Variants in HOPX observed in about 807,000 individuals in gnomAD.
HOPX encodes the protein HOP homeobox, also known as homeodomain-only protein.
Under a neutral mutation model 11.8 loss-of-function variants are expected in HOPX, and 5 were observed. That is an observed-to-expected ratio of 0.43 (90% confidence interval 0.22 to 0.89). The LOEUF is 0.89. Among genes scored for constraint, HOPX ranks in the 40% least tolerant of loss-of-function variants. The pLI is 0.28. For missense variants in HOPX, 119 were observed against 120.0 expected (o/e 0.99, Z 0.04); for synonymous variants, 49 against 49.7 (o/e 0.99, Z 0.06).
At chr4:56,681,453 C>A (rs1719320964), upstream of HOPX, 1 of 990,242 alleles carries the variant, frequency 1.0e-6, no homozygotes, top group Non-Finnish European at 1.2e-6. Context: ...GCCGAGGTTA[C>A]GTCTCTCCTG....
upstream of HOPX, chr4:56,681,698 A>C: frequency 1.0e-6 from 1 of 998,120 alleles, no homozygotes; most frequent in Non-Finnish European, 1.2e-6. Context: ...CAAAGCGTAG[A>C]TCTGGTGCGG....
chr4:56,666,166 G>C (rs1718429633), intron 1 of HOPX, among the ~76,000 whole-genome samples: 1 of 152,110 alleles, frequency 6.6e-6, no homozygotes, highest in Non-Finnish European at 1.5e-5. Flanking sequence ...TACCAGCCAG[G>C]CTGGCTTTCC....
chr4:56,680,710 AT>A (rs142011706), intron 1 of HOPX: 47,290 of 150,878 alleles, frequency 0.31, 7,541 homozygotes, highest in Non-Finnish European at 0.35. Context: ...AAAAAAAAAA[AT>A]CACTGTTTTT....
In HOPX at chr4:56,657,782, A is replaced by G; in HGVS notation, c.35T>C (p.Leu12Pro). 3.2e-6 allele frequency: 4 copies of G among 1,248,916 alleles called. No individual in the cohort carries two copies. The highest frequency in any genetic ancestry group is 1.3e-5 in the South Asian group (1 of 78,008). 77.4% of individuals were successfully genotyped at this position (1,248,916 alleles called of 1,614,324 possible). A position where few individuals can be genotyped will look rare whatever the true frequency, so the allele number is the denominator to read the frequency against. Residue 12 changes from leucine to proline, a missense_variant, in exon 2 of 4, where the codon CTG becomes CCG. Coordinates refer to ENST00000420433, the MANE Select transcript of HOPX (RefSeq NM_032495.6). ...AAGAACCTTGGAAATTACCTCTTCC[A>G]GTCTTCTTCTGTAACAGCCCAGGAA... ...LIFLGCYRRRLEERAGTMSAE... is the reference protein window; with the variant it reads ...LIFLGCYRRRPEERAGTMSAE...
intron 2 of HOPX, 46 bp downstream of exon 2, chr4:56,657,729 A>T: frequency 1.2e-6 from 1 of 814,578 alleles, no homozygotes; most frequent in African/African-American, 1.7e-5. Context: ...CATTGCCCGT[A>T]CCTTTGACAC....
chr4:56,655,757 G>C lies in HOPX; in HGVS notation c.198+100C>G. 3 of 1,350,826 alleles carry C rather than the reference G, an allele frequency of 2.2e-6. No individual in the cohort carries two copies. In the South Asian group the frequency reaches 3.9e-5, roughly 17 times the overall value. 83.7% of individuals were successfully genotyped at this position (1,350,826 alleles called of 1,614,324 possible). ...AGAAGCGATGGGAGATCATGGGGAG[G>C]GCAGCCCGGCGGGAGGCGCGGACGA... On this transcript the variant is annotated intron_variant, in intron 3 of 3. Transcript: ENST00000420433.
Position 56,655,901 on chromosome 4 carries a change from A to T in HOPX, c.154T>A (p.Cys52Ser), listed in dbSNP as rs747420323. The change falls in exon 3 of 4, where the codon TGC becomes AGC. Residue 52 changes from cysteine (C) to serine (S), a missense_variant. By Grantham distance (112) the Cys-to-Ser change is moderately radical. Coordinates refer to ENST00000420433, the MANE Select transcript of HOPX (RefSeq NM_032495.6). ...VDKHPDSTTLCLIAAEAGLSE... is the reference protein window; with the variant it reads ...VDKHPDSTTLSLIAAEAGLSE... ...AGGCCTGCCTCGGCCGCGATGAGGC[A>T]CAGCGTGGTGGAATCCGGGTGCTTG... 6.2e-7 allele frequency: 1 copy of T among 1,612,052 alleles called. No individual in the cohort carries two copies. The highest frequency in any genetic ancestry group is 1.1e-5 in the South Asian group (1 of 90,498).
In HOPX at chr4:56,676,077, G is replaced by A. The variant is rs1339478115; in HGVS notation, c.-84+5178C>T. 2.0e-5 allele frequency among the ~76,000 whole-genome samples: 3 copies of A among 151,686 alleles called. No homozygotes were observed. In the South Asian group the frequency reaches 6.2e-4, roughly 31 times the overall value. ...TTTGGGAGGCCAAGGTGGACAGATC[G>A]TTTGAGCTCAGGAGTTCAAGACCAG... On this transcript the variant is annotated intron_variant, in intron 1 of 3. Transcript: ENST00000420433.
At chr4:56,663,085 A>G (rs1288172208) in intron 1 of HOPX, 1 of 152,146 alleles carries the variant, frequency 6.6e-6, no homozygotes, top group African/African-American at 2.4e-5. Flanking sequence ...TTTTGTTCTG[A>G]TTCCATTTTT....
intron 2 of HOPX, chr4:56,656,218 C>T (rs1468352809): frequency 3.5e-6 from 4 of 1,132,302 alleles, no homozygotes; most frequent in Middle Eastern, 3.4e-4. Context: ...CTGGACTGAG[C>T]GCTGTTGCGG....
intron 2 of HOPX, 72 bp from the exon 3 acceptor site, chr4:56,656,084 C>G: frequency 7.3e-7 from 1 of 1,372,922 alleles, no homozygotes; most frequent in Middle Eastern, 2.6e-4. Flanking sequence ...GGAAGGCGGT[C>G]GCGGCGCCGC....
intron 1 of HOPX, chr4:56,678,800 G>C (rs946706100): frequency 6.6e-6 from 1 of 151,624 alleles, no homozygotes; most frequent in African/African-American, 2.4e-5. Flanking sequence ...ACAACCACTA[G>C]GTTAGATTAT....
chr4:56,654,358 G>A (rs1340293929), intron 3 of HOPX, among the ~76,000 whole-genome samples: 1 of 152,198 alleles, frequency 6.6e-6, no homozygotes, highest in Non-Finnish European at 1.5e-5. Flanking sequence ...CACAATCAGA[G>A]GCCGAGAAGG....
Position 56,648,469 on chromosome 4 carries a change from G to T in HOPX, c.*251C>A. ...ACACCATCTGTCATCATGACTCAAAGGGAAATGCTAGCCACACCATTTTTC... is the reference window on the plus strand; with the variant it reads ...ACACCATCTGTCATCATGACTCAAATGGAAATGCTAGCCACACCATTTTTC... On this transcript the variant is annotated 3_prime_UTR_variant, in exon 4 of 4. Transcript: ENST00000420433. The T allele has an allele frequency of 2.7e-6, 1 of 365,356 alleles. No individual in the cohort carries two copies. 22.6% of individuals were successfully genotyped at this position (365,356 alleles called of 1,614,324 possible). A position where few individuals can be genotyped will look rare whatever the true frequency, so the allele number is the denominator to read the frequency against.
intron 3 of HOPX, among the ~76,000 whole-genome samples, chr4:56,652,972 C>T (rs9999267): frequency 9.7e-4 from 147 of 152,236 alleles, no homozygotes; most frequent in African/African-American, 3.2e-3. Context: ...ATTTTAATGA[C>T]GGAAAGTTCA....
chr4:56,681,693 C>T, upstream of HOPX: 1 of 998,562 alleles, frequency 1.0e-6, no homozygotes, highest in Non-Finnish European at 1.2e-6. Flanking sequence ...CATTTCAAAG[C>T]GTAGATCTGG....
At chr4:56,660,076 T>G (rs2109499711) in intron 1 of HOPX, among the ~76,000 whole-genome samples, 1 of 152,322 alleles carries the variant, frequency 6.6e-6, no homozygotes, top group East Asian at 1.9e-4. Flanking sequence ...AGATCAGAGT[T>G]TAAGAAAGCA....
chr4:56,672,982 C>T (rs1165458822), intron 1 of HOPX, among the ~76,000 whole-genome samples: 8 of 152,178 alleles, frequency 5.3e-5, no homozygotes, highest in Non-Finnish European at 1.0e-4. Context: ...ATTATGCCTC[C>T]ATTTATCATG....
At chr4:56,660,338 G>A (rs967911215) in intron 1 of HOPX, among the ~76,000 whole-genome samples, 95 of 151,920 alleles carry the variant, frequency 6.3e-4, no homozygotes, top group African/African-American at 2.2e-3. Context: ...CTACCTTTAC[G>A]GGAACAAGAT....
Sources: gnomAD v4.1 joint callset for allele counts (sites outside exome capture counted in the v4.1 genomes callset) on GRCh38, gnomAD v4.1.1 for gene constraint, MANE v1.5 for transcripts, NCBI Gene and HGNC (gene_info 2026-07-23, HGNC 2026-07-21) for gene names.